SLCO1B1: variants seen among roughly 807,000 people sequenced by gnomAD.
The protein encoded by SLCO1B1 is solute carrier organic anion transporter family member 1B1, also known as OATP-2.
SLCO1B1 carries 81 observed loss-of-function variants against 70.1 expected under a neutral mutation model. The observed-to-expected ratio is 1.16, with a 90% confidence interval of 0.97 to 1.39. The LOEUF (loss-of-function observed/expected upper bound fraction) is 1.39. SLCO1B1 is among the 40% of genes most tolerant of loss of function. SLCO1B1 has a pLI of 0.00. For synonymous variants in SLCO1B1, 283 were observed against 271.5 expected, an observed-to-expected ratio of 1.04 and a Z score of -0.42; for missense variants, 895 against 799.6, an observed-to-expected ratio of 1.12 and a Z score of -1.44.
intron 7 of SLCO1B1, among the ~76,000 whole-genome samples, chr12:21,194,617 A>G (rs1245937378): frequency 6.6e-6 from 1 of 152,014 alleles, no homozygotes; most frequent in East Asian, 1.9e-4. Context: ...TCATTTTCTT[A>G]TCTTCTTCTG....
chr12:21,133,198 G>A (rs1191497401), intron 1 of SLCO1B1, among the ~76,000 whole-genome samples: 2 of 152,056 alleles, frequency 1.3e-5, no homozygotes, highest in South Asian at 4.1e-4. Flanking sequence ...CTATATCTCT[G>A]TTTTGGTACC....
intron 3 of SLCO1B1, 91 bp from the exon 4 acceptor site, chr12:21,174,486 C>T: frequency 7.9e-7 from 1 of 1,262,188 alleles, no homozygotes; most frequent in Non-Finnish European, 1.1e-6. Flanking sequence ...GGCACTATGT[C>T]TTGGACTCTA....
At chr12:21,157,600 A>ATTT (rs533368425) in intron 2 of SLCO1B1, among the ~76,000 whole-genome samples, 185 of 136,832 alleles carry the variant, frequency 1.4e-3, no homozygotes, top group African/African-American at 4.9e-3. Context: ...AGACTGTAAA[A>ATTT]TTTTTTTTTT....
At chr12:21,185,832 A>C (rs1453967676) in intron 7 of SLCO1B1, among the ~76,000 whole-genome samples, 1 of 152,084 alleles carries the variant, frequency 6.6e-6, no homozygotes, top group East Asian at 1.9e-4. Context: ...TGTTAACTAG[A>C]TTAACAAGGA....
chr12:21,167,976 G>A (rs145472114), intron 2 of SLCO1B1, among the ~76,000 whole-genome samples: 9 of 137,010 alleles, frequency 6.6e-5, no homozygotes, highest in Admixed American at 5.6e-4. Flanking sequence ...ACCACCATGC[G>A]CAGGTAATTT....
At chr12:21,135,087 A>G (rs545347557) in intron 1 of SLCO1B1, among the ~76,000 whole-genome samples, 12 of 152,282 alleles carry the variant, frequency 7.9e-5, no homozygotes, top group Middle Eastern at 3.4e-3. Flanking sequence ...TCATTTCATT[A>G]TGTACCCAGT....
chr12:21,153,602 A>C (rs1442009715), intron 2 of SLCO1B1, among the ~76,000 whole-genome samples: 1 of 152,058 alleles, frequency 6.6e-6, no homozygotes, highest in Admixed American at 6.6e-5. Context: ...CTGAGAGGTC[A>C]GTCTTGTTAA....
chr12:21,200,231 A>G (rs960377246), intron 8 of SLCO1B1, among the ~76,000 whole-genome samples: 2 of 152,240 alleles, frequency 1.3e-5, no homozygotes, highest in African/African-American at 4.8e-5. Flanking sequence ...ATAACCAAAT[A>G]TTAAGTGAAG....
intron 2 of SLCO1B1, among the ~76,000 whole-genome samples, chr12:21,143,699 A>G (rs1265124916): frequency 6.6e-6 from 1 of 152,060 alleles, no homozygotes; most frequent in Non-Finnish European, 1.5e-5. Context: ...TATGCTCTCA[A>G]CTGTATTCCA....
chr12:21,238,931 A>T, intron 14 of SLCO1B1, 48 bp from the exon 15 acceptor site: 1 of 1,158,688 alleles, frequency 8.6e-7, no homozygotes, highest in South Asian at 1.4e-5. Flanking sequence ...TTAAGTTATT[A>T]CACACAATTT....
chr12:21,165,500 A>G (rs1487064107), intron 2 of SLCO1B1, among the ~76,000 whole-genome samples: 1 of 152,176 alleles, frequency 6.6e-6, no homozygotes, highest in Non-Finnish European at 1.5e-5. Flanking sequence ...GAACAAGGCA[A>G]GTGAAAGGTC....
intron 12 of SLCO1B1, among the ~76,000 whole-genome samples, chr12:21,221,005 C>G (rs1045076282): frequency 2.0e-5 from 3 of 151,812 alleles, no homozygotes; most frequent in Non-Finnish European, 2.9e-5. Context: ...TGTGATTTGC[C>G]ACATAGAATA....
intron 7 of SLCO1B1, among the ~76,000 whole-genome samples, chr12:21,180,952 G>T (rs1401755732): frequency 6.6e-6 from 1 of 152,148 alleles, no homozygotes; most frequent in Admixed American, 6.5e-5. Context: ...TGATGAGTAT[G>T]AGCTTCACTT....
chr12:21,162,405 C>T (rs569914698), intron 2 of SLCO1B1, among the ~76,000 whole-genome samples: 2 of 152,128 alleles, frequency 1.3e-5, no homozygotes, highest in East Asian at 3.9e-4. Context: ...TTTCAACTTC[C>T]TTATTTTTAT....
chr12:21,195,555 A>G (rs1941081960), intron 7 of SLCO1B1, among the ~76,000 whole-genome samples: 1 of 152,164 alleles, frequency 6.6e-6, no homozygotes, highest in South Asian at 2.1e-4. Context: ...GCCCATTGGA[A>G]GCAAGCATAT....
At chr12:21,136,964 A>T (rs961728999) in intron 1 of SLCO1B1, among the ~76,000 whole-genome samples, 1 of 151,952 alleles carries the variant, frequency 6.6e-6, no homozygotes, top group African/African-American at 2.4e-5. Context: ...TTGTGGTTTC[A>T]TCTATCTTTG....
At chr12:21,155,496 T>C (rs1395024838) in intron 2 of SLCO1B1, among the ~76,000 whole-genome samples, 1 of 152,192 alleles carries the variant, frequency 6.6e-6, no homozygotes, top group East Asian at 1.9e-4. Context: ...CAATTACTCC[T>C]TATGGTGTCT....
rs71581991 is a variant in SLCO1B1 at position 21,205,854 on chromosome 12, T to C, written c.1332-14T>C. 4,100 of 1,559,744 alleles carry C rather than the reference T, an allele frequency of 2.6e-3. 13 individuals carry two copies. Among genetic ancestry groups the C allele is most frequent in the Non-Finnish European group, 3.4e-3 (3,897 of 1,131,988 alleles). ...TCTCTCTCTTTTTGATATATGTCTA[T>C]CATATATTTCCAGAAATAATCCAGT... On this transcript the variant is annotated splice_polypyrimidine_tract_variant and intron_variant, in intron 10 of 14. Coordinates refer to ENST00000256958, the MANE Select transcript of SLCO1B1 (RefSeq NM_006446.5).
In SLCO1B1 at chr12:21,157,879, C is replaced by T. The variant is rs112748647; in HGVS notation, c.85-14771C>T. Reference sequence around the variant, plus strand: ...CCTCCCACAGTGCTGGGATTACAGGCGTGAGCCACCGTGCCCGGCCAAGAC... The same window carrying T: ...CCTCCCACAGTGCTGGGATTACAGGTGTGAGCCACCGTGCCCGGCCAAGAC... On this transcript the variant is annotated intron_variant, in intron 2 of 14. Transcript: ENST00000256958. 1.4e-4 allele frequency among the ~76,000 whole-genome samples: 22 copies of T among 152,146 alleles called. 1 individual carries two copies. The highest frequency in any genetic ancestry group is 1.4e-4 in the African/African-American group (6 of 41,496).
Sources: allele counts gnomAD v4.1 joint callset (sites outside exome capture counted in the v4.1 genomes callset), GRCh38; gene constraint gnomAD v4.1.1; transcripts MANE v1.5; gene names NCBI Gene and HGNC (gene_info 2026-07-23, HGNC 2026-07-21).